WDR87: variants seen among roughly 807,000 people sequenced by gnomAD.
WDR87 encodes the protein WD repeat domain 87.
In WDR87, 56 loss-of-function variants were observed where a neutral mutation model predicts 83.3. That is an observed-to-expected ratio of 0.67 (90% CI 0.54 to 0.84). The LOEUF (loss-of-function observed/expected upper bound fraction) is 0.84, where lower values mean the gene tolerates loss of function less well. Ranked by LOEUF, WDR87 falls within the 40% of genes least tolerant of loss-of-function variation. The pLI, the probability that WDR87 is intolerant of heterozygous loss-of-function variation, is 0.00. For missense variants in WDR87, 2,939 were observed against 3,431.9 expected (o/e 0.86, Z 3.59); for synonymous variants, 1,173 against 1,250.6 (o/e 0.94, Z 1.31).
chr19:37,900,552 C>T (rs1477015353), intron 1 of WDR87, among the ~76,000 whole-genome samples: 2 of 104,306 alleles, frequency 1.9e-5, no homozygotes, highest in African/African-American at 8.6e-5. Flanking sequence ...CAGAGCAAGA[C>T]TCCGTCTCAA....
intron 5 of WDR87, among the ~76,000 whole-genome samples, chr19:37,891,162 C>G: frequency 1.2e-5 from 1 of 80,042 alleles, no homozygotes; most frequent in South Asian, 6.1e-4. Flanking sequence ...CACCTGGTAT[C>G]TCTCTTTTTT....
chr19:37,905,219 G>A (rs2145448462), intron 1 of WDR87, among the ~76,000 whole-genome samples: 1 of 147,824 alleles, frequency 6.8e-6, no homozygotes, highest in African/African-American at 2.5e-5. Flanking sequence ...CGACAGAGTG[G>A]GACTCCGTCT....
chr19:37,902,349 G>A (rs2046298625), intron 1 of WDR87, among the ~76,000 whole-genome samples: 1 of 152,034 alleles, frequency 6.6e-6, no homozygotes, highest in African/African-American at 2.4e-5. Flanking sequence ...TGAGTAGCTG[G>A]GATTACAGGC....
rs1222007201 is a variant in WDR87, at chr19:37,888,538, C to A, written c.5133G>T (p.Val1711=). 7.7e-6 allele frequency: 12 copies of A among 1,551,710 alleles called. No individual in the cohort carries two copies. The highest frequency in any genetic ancestry group is 9.6e-6 in the Non-Finnish European group (11 of 1,147,048). ...TTGCTAGTTTCTCTTCTTCTCTAGC[C>A]ACTTTCTCCCATTTCTTGGCCAGTT... The part of the protein sequence containing the change: ...RKKLAKKWEK[V]AREEEKLAKK... Residue 1711 remains valine (V), a synonymous_variant, in exon 6 of 6, where the codon GTG becomes GTT. Coordinates refer to ENST00000447313, the MANE Select transcript of WDR87 (RefSeq NM_001291088.2).
Position 37,890,030 on chromosome 19 carries a change from A to G in WDR87, c.3641T>C (p.Ile1214Thr), listed in dbSNP as rs1008401718. 64 of 1,551,188 alleles carry G rather than the reference A, an allele frequency of 4.1e-5. No individual in the cohort carries two copies. Among genetic ancestry groups the G allele is most frequent in the Admixed American group, 5.9e-5 (3 of 50,920 alleles). ...IALTLKRLQK[I>T]RDKRDKKATA... is the part of the protein sequence containing the mutation. Reference sequence around the variant, plus strand: ...TGCTTTCTTGTCTCTTTTGTCACGTATTTTCTGCAGCCTCTTCAGGGTCAA... The same window carrying G: ...TGCTTTCTTGTCTCTTTTGTCACGTGTTTTCTGCAGCCTCTTCAGGGTCAA... The change falls in exon 6 of 6, where the codon ATA becomes ACA. Residue 1214 changes from isoleucine (I) to threonine (T), a missense_variant. Physicochemically the swap from Ile to Thr is moderately conservative, Grantham distance 89. Coordinates refer to ENST00000447313, the MANE Select transcript of WDR87 (RefSeq NM_001291088.2).
rs1371911023 is a variant in WDR87 at position 37,891,759 on chromosome 19, G to A, written c.3187C>T (p.Gln1063Ter). 6.4e-7 allele frequency: 1 copy of A among 1,552,246 alleles called. No individual in the cohort carries two copies. The highest frequency in any genetic ancestry group is 8.7e-7 in the Non-Finnish European group (1 of 1,147,120). ...TGCTCCACTTGAGTGGAAAGGATTT[G>A]GAGATCTGTGGCCCGCATCCCCAGT... ...HLLGMRATDL[Q>*]ILSTQVEQRL... is the part of the protein sequence containing the mutation. The change falls in exon 5 of 6, where the codon CAA becomes TAA. Residue 1063 changes from glutamine to a stop codon, truncating the protein, a stop_gained. Transcript: ENST00000447313. LOFTEE classifies it high-confidence loss of function.
rs777791538 is a variant in WDR87, at chr19:37,889,961, TC to T, written c.3709del (p.Glu1237LysfsTer5). 3 of 1,551,730 alleles carry T rather than the reference TC, an allele frequency of 1.9e-6. No individual in the cohort carries two copies. The African/African-American group carries it at 4.1e-5, about 21-fold the overall frequency. The stretch of plus-strand genomic sequence containing the variant: ...AGTTTCCTCATTTATAACTTTGGCT[TC>T]TTTTCCCTTCTTTTTGTGCTTCTTT... ...LKKKHKKKGKEAKVINEETTP... is the reference protein window; with the variant it reads ...LKKKHKKKGKXAKVINEETTP... On this transcript the variant is annotated frameshift_variant, in exon 6 of 6. Coordinates refer to ENST00000447313, the MANE Select transcript of WDR87 (RefSeq NM_001291088.2). LOFTEE classifies it low-confidence loss of function (END_TRUNC).
Position 37,894,883 on chromosome 19 carries a change from G to A in WDR87, c.820C>T (p.His274Tyr), listed in dbSNP as rs1296075084. Residue 274 changes from histidine to tyrosine, a missense_variant, in exon 4 of 6, where the codon CAT (histidine) becomes TAT (tyrosine). Around this residue, in one of 3 missense-constraint regions of WDR87, gnomAD observed 553 missense variants for 577.9 expected, o/e 0.96. Transcript: ENST00000447313. The part of the protein sequence containing the change: ...EIQVWSLQQG[H>Y]PLHSFQAHQS... ...TGGGCCTGGAAACTGTGGAGTGGAT[G>A]GCCCTGCTGGAGGCTCCAAACTTGG... 1 of 1,551,714 alleles carries A rather than the reference G, an allele frequency of 6.4e-7. No individual in the cohort carries two copies. The highest frequency in any genetic ancestry group is 1.2e-5 in the South Asian group (1 of 84,068).
intron 2 of WDR87, among the ~76,000 whole-genome samples, chr19:37,896,568 A>C (rs2046257748): frequency 6.6e-6 from 1 of 152,164 alleles, no homozygotes; most frequent in Non-Finnish European, 1.5e-5. Flanking sequence ...CACAGGGAAA[A>C]ATGATGTTCT....
rs527474128 is a variant in WDR87, at chr19:37,899,628, T to C, written c.-46-1343A>G. ...AATTTTTGTTTCTTTGTTTTGTTTT[T>C]GTAGAGACAGGGTCTCACTATGTTG... On this transcript the variant is annotated intron_variant, in intron 1 of 5. Coordinates refer to ENST00000447313, the MANE Select transcript of WDR87 (RefSeq NM_001291088.2). Among the ~76,000 whole-genome samples the C allele has an allele frequency of 5.3e-5, 8 of 152,122 alleles. No individual in the cohort carries two copies. The East Asian group carries it at 1.6e-3, about 30-fold the overall frequency.
Position 37,890,051 on chromosome 19 carries a change from G to A in WDR87, c.3620C>T (p.Thr1207Ile). ...ACGTATTTTCTGCAGCCTCTTCAGG[G>A]TCAATGCAATGTGATCCTTCGAGAT... ...KDISKDHIALTLKRLQKIRDK... is the reference protein window; with the variant it reads ...KDISKDHIALILKRLQKIRDK... The change falls in exon 6 of 6, where the codon ACC (threonine) becomes ATC (isoleucine). Residue 1207 changes from threonine (T) to isoleucine (I), a missense_variant. Thr to Ile is a moderately conservative substitution (Grantham distance 89). Coordinates refer to ENST00000447313, the MANE Select transcript of WDR87 (RefSeq NM_001291088.2). The A allele has an allele frequency of 2.6e-6, 4 of 1,551,710 alleles. No individual in the cohort carries two copies. Among genetic ancestry groups the A allele is most frequent in the Non-Finnish European group, 3.5e-6 (4 of 1,147,010 alleles).
At chr19:37,896,525 CAG>C (rs1451783301) in intron 2 of WDR87, among the ~76,000 whole-genome samples, 1 of 152,194 alleles carries the variant, frequency 6.6e-6, no homozygotes, top group African/African-American at 2.4e-5. Flanking sequence ...CACAACCCTG[CAG>C]AGTCTCTGTG....
Position 37,886,452 on chromosome 19 carries a change from A to T in WDR87, c.7219T>A (p.Ser2407Thr). The change falls in exon 6 of 6, where the codon TCC (serine) becomes ACC (threonine). Residue 2407 changes from serine (S) to threonine (T), a missense_variant. Around this residue, in one of 3 missense-constraint regions of WDR87, gnomAD observed 2,160 missense variants for 2,533.1 expected, o/e 0.85. Transcript: ENST00000447313. ...KSLRGRERVLSILRGVPHGKG... is the reference protein window; with the variant it reads ...KSLRGRERVLTILRGVPHGKG... ...CCATGAGGAACTCCTCTTAAAATGG[A>T]AAGGACTCTTTCCCTTCCTCTTAGG... 1 of 1,527,964 alleles carries T rather than the reference A, an allele frequency of 6.5e-7. No homozygotes were observed. Among genetic ancestry groups the T allele is most frequent in the Non-Finnish European group, 8.8e-7 (1 of 1,140,848 alleles). The allele number at this position is 1,527,964 out of a possible 1,614,324, so 94.7% of individuals were successfully genotyped here. A position where few individuals can be genotyped will look rare whatever the true frequency, so the allele number is the denominator to read the frequency against.
rs748600699 is a variant in WDR87 at position 37,886,845 on chromosome 19, G to C, written c.6826C>G (p.Leu2276Val). Residue 2276 changes from leucine to valine, a missense_variant, in exon 6 of 6, where the codon CTA (leucine) becomes GTA (valine). Physicochemically the swap from Leu to Val is conservative, Grantham distance 32. Coordinates refer to ENST00000447313, the MANE Select transcript of WDR87 (RefSeq NM_001291088.2). ...GAAGACAAACTCTCTTGCTTTTCTA[G>C]TTCATCTAACAGGCTTTCCATTTCT... ...SEEMESLLDE[L>V]EKQESLSSEE... is the part of the protein sequence containing the mutation. The C allele has an allele frequency of 4.5e-6, 7 of 1,548,878 alleles. No individual in the cohort carries two copies. The highest frequency in any genetic ancestry group is 3.3e-4 in the Middle Eastern group (2 of 5,986).
chr19:37,897,743 G>C (rs528022256), intron 2 of WDR87, among the ~76,000 whole-genome samples: 1 of 151,972 alleles, frequency 6.6e-6, no homozygotes, highest in South Asian at 2.1e-4. Flanking sequence ...AAATTAGCTG[G>C]GCGTGGTGGC....
Position 37,885,568 on chromosome 19 carries a change from T to G in WDR87, c.8103A>C (p.Glu2701Asp), listed in dbSNP as rs1035013050. The G allele has an allele frequency of 6.4e-7, 1 of 1,551,586 alleles. No individual in the cohort carries two copies. Among genetic ancestry groups the G allele is most frequent in the African/African-American group, 1.4e-5 (1 of 73,036 alleles). Residue 2701 changes from glutamate to aspartate, a missense_variant, in exon 6 of 6, where the codon GAA becomes GAC. Glu to Asp is a conservative substitution (Grantham distance 45). Coordinates refer to ENST00000447313, the MANE Select transcript of WDR87 (RefSeq NM_001291088.2). ...QQISIAHKEM[E>D]MQYFYPATRD... ...TGGTGGCAGGATAAAAGTATTGCAT[T>G]TCCATCTCCTTGTGAGCAATGGATA...
chr19:37,887,602 C>G lies in WDR87; in HGVS notation c.6069G>C (p.Leu2023=). The change falls in exon 6 of 6, where the codon CTG becomes CTC. Residue 2023 remains leucine, a synonymous_variant. Transcript: ENST00000447313. ...KMRLVEGKET[L]SKGETPETSR... ...AAGTTTCTGGAGTCTCTCCCTTAGA[C>G]AGTGTTTCTTTTCCCTCAACCAGTC... The G allele has an allele frequency of 6.4e-7, 1 of 1,552,016 alleles. No individual in the cohort carries two copies. The highest frequency in any genetic ancestry group is 8.7e-7 in the Non-Finnish European group (1 of 1,147,056).
intron 1 of WDR87, 137 bp from the exon 2 acceptor site, chr19:37,898,422 A>C: frequency 1.6e-5 from 18 of 1,147,042 alleles, no homozygotes; most frequent in South Asian, 1.8e-5. Flanking sequence ...ATACCTTCTC[A>C]TTTCATCCAC....
intron 1 of WDR87, among the ~76,000 whole-genome samples, chr19:37,903,786 T>C (rs144411903): frequency 1.3e-5 from 2 of 152,268 alleles, no homozygotes; most frequent in African/African-American, 4.8e-5. Context: ...TGCCTCAGCC[T>C]CCCAAAGTGT....
Sources: allele counts gnomAD v4.1 joint callset (sites outside exome capture counted in the v4.1 genomes callset), GRCh38; gene constraint gnomAD v4.1.1; regional missense constraint gnomAD v4.1.1; transcripts MANE v1.5; gene names NCBI Gene and HGNC (gene_info 2026-07-23, HGNC 2026-07-21).